The following EXD3 variants were observed in gnomAD, a reference collection of about 807,000 sequenced individuals.
EXD3 encodes exonuclease mut-7 homolog.
A neutral mutation model predicts 98.0 loss-of-function variants in EXD3; 92 were observed. The ratio of observed to expected loss-of-function variants is 0.94; its 90% CI spans 0.79 to 1.12. EXD3 has a LOEUF of 1.12. Ranked by LOEUF, EXD3 falls within the 50% of genes most tolerant of loss-of-function variation. The pLI is 0.00. For synonymous variants in EXD3, 569 were observed against 526.0 expected (o/e 1.08, Z -1.12); for missense variants, 1,222 against 1,191.6 (o/e 1.03, Z -0.38).
intron 17 of EXD3, among the ~76,000 whole-genome samples, chr9:137,334,444 C>T (rs942453966): frequency 3.3e-5 from 5 of 152,068 alleles, no homozygotes; most frequent in Admixed American, 6.6e-5. Flanking sequence ...TTACAATCAA[C>T]GGATCTTTGA....
At chr9:137,333,007 C>T (rs1313872731) in intron 17 of EXD3, among the ~76,000 whole-genome samples, 4 of 152,070 alleles carry the variant, frequency 2.6e-5, no homozygotes, top group South Asian at 2.1e-4. Flanking sequence ...AGTCCATGGA[C>T]GGGGAGAGGC....
intron 3 of EXD3, among the ~76,000 whole-genome samples, chr9:137,377,618 G>A (rs1346901802): frequency 1.4e-5 from 2 of 142,720 alleles, no homozygotes; most frequent in Non-Finnish European, 3.1e-5. Context: ...CTACTCAGGA[G>A]GCTGAGGCAG....
intron 17 of EXD3, among the ~76,000 whole-genome samples, chr9:137,332,017 G>T (rs1833090384): frequency 6.6e-6 from 1 of 152,060 alleles, no homozygotes; most frequent in African/African-American, 2.4e-5. Context: ...ACAAACCTAG[G>T]AATGTACTTA....
chr9:137,398,995 G>A lies in EXD3; in HGVS notation c.-47-3591C>T, dbSNP rs111782651. On this transcript the variant is annotated intron_variant, in intron 1 of 21. Coordinates refer to ENST00000340951, the MANE Select transcript of EXD3 (RefSeq NM_017820.5). Reference sequence around the variant, plus strand: ...ACAGGCAACCATGTCCCCGTGACACGCGTCCAACATCCTCGTAACACGTGC... The same window carrying A: ...ACAGGCAACCATGTCCCCGTGACACACGTCCAACATCCTCGTAACACGTGC... Among the ~76,000 whole-genome samples, 39 of 152,016 alleles carry A rather than the reference G, an allele frequency of 2.6e-4. 2 individuals are homozygous for A. The highest frequency in any genetic ancestry group is 3.2e-4 in the Non-Finnish European group (22 of 67,974).
At chr9:137,320,848 C>A (rs543887668) in intron 19 of EXD3, among the ~76,000 whole-genome samples, 1 of 152,344 alleles carries the variant, frequency 6.6e-6, no homozygotes, top group Non-Finnish European at 1.5e-5. Context: ...CGATTCTGAA[C>A]AGCTCATTAA....
chr9:137,415,356 G>A (rs1838188923), intron 1 of EXD3, among the ~76,000 whole-genome samples: 1 of 152,004 alleles, frequency 6.6e-6, no homozygotes, highest in South Asian at 2.1e-4. Context: ...GGCATGCACA[G>A]CTAATTTTTG....
intron 1 of EXD3, among the ~76,000 whole-genome samples, chr9:137,418,466 C>T (rs553081020): frequency 6.6e-6 from 1 of 152,286 alleles, no homozygotes; most frequent in East Asian, 1.9e-4. Flanking sequence ...TTTTATATGG[C>T]ATAGGAAAGC....
At chr9:137,369,790 C>T (rs1231023991) in intron 5 of EXD3, among the ~76,000 whole-genome samples, 1 of 152,242 alleles carries the variant, frequency 6.6e-6, no homozygotes, top group African/African-American at 2.4e-5. Flanking sequence ...CACGCTGCGA[C>T]CCCGTCAGAG....
chr9:137,418,546 T>TCC (rs1838349918), intron 1 of EXD3, among the ~76,000 whole-genome samples: 1 of 151,926 alleles, frequency 6.6e-6, no homozygotes, highest in Non-Finnish European at 1.5e-5. Flanking sequence ...TGAAATGGTT[T>TCC]CCATCTACAC....
intron 6 of EXD3, chr9:137,367,724 G>A (rs991884716): frequency 3.7e-6 from 2 of 535,098 alleles, no homozygotes; most frequent in Non-Finnish European, 6.7e-6. Flanking sequence ...CTGGACACGG[G>A]GTTCGTGTAC....
chr9:137,344,183 G>A (rs926720332), intron 17 of EXD3, among the ~76,000 whole-genome samples: 7 of 152,034 alleles, frequency 4.6e-5, no homozygotes, highest in Non-Finnish European at 5.9e-5. Context: ...GAGCCACTGC[G>A]CCCGGCCTGT....
At chr9:137,418,999 T>TG (rs2131846779) in intron 1 of EXD3, among the ~76,000 whole-genome samples, 1 of 152,308 alleles carries the variant, frequency 6.6e-6, no homozygotes, top group South Asian at 2.1e-4. Flanking sequence ...CAAAACCAAA[T>TG]TTCAAGTCCT....
chr9:137,411,904 G>A (rs901438802), intron 1 of EXD3, among the ~76,000 whole-genome samples: 4 of 152,324 alleles, frequency 2.6e-5, no homozygotes, highest in Admixed American at 2.6e-4. Flanking sequence ...CGGTTTTTCT[G>A]TGGTGTTTCC....
chr9:137,307,405 ACT>A lies in EXD3; in HGVS notation c.2318-144_2318-143del, dbSNP rs1332883556. ...TCCTCTTTCTGCTCCCTATCCGCTG[ACT>A]CTGCGTCCTCCACTTCCTCTTCTGT... On this transcript the variant is annotated intron_variant, in intron 21 of 21. Transcript: ENST00000340951. The A allele has an allele frequency of 5.2e-6, 7 of 1,346,816 alleles. No homozygotes were observed. The African/African-American group carries it at 8.8e-5, about 17-fold the overall frequency. 83.4% of individuals were successfully genotyped at this position (1,346,816 alleles called of 1,614,324 possible).
chr9:137,370,040 G>A (rs1039029226), intron 5 of EXD3, among the ~76,000 whole-genome samples: 5 of 152,204 alleles, frequency 3.3e-5, no homozygotes, highest in Admixed American at 1.3e-4. Context: ...GGGACAGGAC[G>A]AGGATGGAGC....
intron 1 of EXD3, among the ~76,000 whole-genome samples, chr9:137,415,129 C>A (rs1838177336): frequency 6.6e-6 from 1 of 151,958 alleles, no homozygotes; most frequent in African/African-American, 2.4e-5. Context: ...CACAAGCAAT[C>A]CGCCCACCTC....
At chr9:137,317,609 T>TG (rs770300854) in intron 19 of EXD3, among the ~76,000 whole-genome samples, 5 of 151,974 alleles carry the variant, frequency 3.3e-5, no homozygotes, top group Admixed American at 6.5e-5. Flanking sequence ...GAGGGGGCAG[T>TG]GGGGCCTTCT....
Position 137,405,277 on chromosome 9 carries a change from G to A in EXD3, c.-47-9873C>T, listed in dbSNP as rs549360914. 1.6e-4 allele frequency among the ~76,000 whole-genome samples: 25 copies of A among 152,330 alleles called. No homozygotes were observed. The highest frequency in any genetic ancestry group is 5.8e-4 in the African/African-American group (24 of 41,578). On this transcript the variant is annotated intron_variant, in intron 1 of 21. Coordinates refer to ENST00000340951, the MANE Select transcript of EXD3 (RefSeq NM_017820.5). This position sits in a 1 kb window ranked among gnomAD's most constrained non-coding sequence, Gnocchi z 4.1. ...TGGGCCAGCACCCCCGGGGGAAGGC[G>A]GTGGGCACCCAGGGCCAGAGCAGGG... is the stretch of plus-strand genomic sequence containing the variant.
rs146352466 is a variant in EXD3, at chr9:137,356,509, C to T, written c.657-141G>A. ...AGAAAATGCAGGCGTCACCGCCCCC[C>T]GCCCACCCCATCCTTAGCACTTGGA... On this transcript the variant is annotated intron_variant, in intron 7 of 21. Coordinates refer to ENST00000340951, the MANE Select transcript of EXD3 (RefSeq NM_017820.5). 609 of 616,662 alleles carry T rather than the reference C, an allele frequency of 9.9e-4. 2 individuals carry two copies. The highest frequency in any genetic ancestry group is 1.5e-3 in the South Asian group (76 of 52,100). The allele number at this position is 616,662 out of a possible 1,614,324, so 38.2% of individuals were successfully genotyped here.
Sources: allele counts gnomAD v4.1 joint callset (sites outside exome capture counted in the v4.1 genomes callset), GRCh38; gene constraint gnomAD v4.1.1; non-coding constraint Gnocchi (gnomAD v3.1); transcripts MANE v1.5; gene names NCBI Gene and HGNC (gene_info 2026-07-23, HGNC 2026-07-21).